The following EXOC2 variants were observed in gnomAD, a reference collection of about 807,000 sequenced individuals.
EXOC2 encodes the protein SEC5-like 1.
In EXOC2, 70 loss-of-function variants were observed where a neutral mutation model predicts 131.8. The ratio of observed to expected loss-of-function variants is 0.53; its 90% CI spans 0.44 to 0.65. EXOC2 has a LOEUF of 0.65. Ranked by LOEUF, EXOC2 falls within the 30% of genes least tolerant of loss-of-function variation. EXOC2 has a pLI of 0.00. For missense variants in EXOC2, 923 were observed against 1,108.6 expected (o/e 0.83, Z 2.38); for synonymous variants, 411 against 398.4 (o/e 1.03, Z -0.38).
chr6:521,125 C>T, intron 23 of EXOC2, among the ~76,000 whole-genome samples: 1 of 149,298 alleles, frequency 6.7e-6, no homozygotes, highest in African/African-American at 2.5e-5. Context: ...AAAACAACCA[C>T]CCACCGAGTG....
At chr6:665,025 A>C (rs899427722) in intron 1 of EXOC2, among the ~76,000 whole-genome samples, 1 of 152,226 alleles carries the variant, frequency 6.6e-6, no homozygotes, top group Non-Finnish European at 1.5e-5. Flanking sequence ...AAATCTTCAC[A>C]ATCTATACAT....
intron 3 of EXOC2, 123 bp downstream of exon 3, chr6:632,818 T>C: frequency 1.0e-6 from 1 of 977,404 alleles, no homozygotes; most frequent in Non-Finnish European, 1.5e-6. Context: ...AAAATAAACA[T>C]AAACTAAATC....
At chr6:575,621 T>C (rs1758539636) in intron 12 of EXOC2, among the ~76,000 whole-genome samples, 1 of 152,226 alleles carries the variant, frequency 6.6e-6, no homozygotes, top group African/African-American at 2.4e-5. Context: ...GCCGGCGCAA[T>C]GCTTCCTGTA....
intron 7 of EXOC2, among the ~76,000 whole-genome samples, chr6:599,681 T>G (rs191240036): frequency 6.6e-6 from 1 of 152,206 alleles, no homozygotes; most frequent in Non-Finnish European, 1.5e-5. Flanking sequence ...TCAGGAAAGT[T>G]GCTCAATAGA....
rs556622431 is a variant in EXOC2, at chr6:690,344, A to G, written c.-44+2675T>C. Among the ~76,000 whole-genome samples the G allele has an allele frequency of 1.4e-4, 21 of 152,308 alleles. No individual in the cohort carries two copies. The East Asian group carries it at 3.9e-3, about 28-fold the overall frequency. On this transcript the variant is annotated intron_variant, in intron 1 of 27. Coordinates refer to ENST00000230449, the MANE Select transcript of EXOC2 (RefSeq NM_018303.6). ...GCACTCTAGCCTGGGTGACAGAACA[A>G]GACCCCCTTTCAATCAATAAACAAA...
At chr6:547,272 T>C (rs1378951258) in intron 22 of EXOC2, among the ~76,000 whole-genome samples, 1 of 152,214 alleles carries the variant, frequency 6.6e-6, no homozygotes, top group African/African-American at 2.4e-5. Context: ...GTGAAGGGAA[T>C]GAAAAACTGG....
intron 11 of EXOC2, among the ~76,000 whole-genome samples, chr6:582,049 C>T (rs952867362): frequency 3.3e-5 from 5 of 152,134 alleles, no homozygotes; most frequent in Non-Finnish European, 7.4e-5. Context: ...AGTCACTTCA[C>T]TAGAAGTGTA....
At chr6:565,261 C>T (rs890112485) in intron 13 of EXOC2, among the ~76,000 whole-genome samples, 1 of 152,160 alleles carries the variant, frequency 6.6e-6, no homozygotes, top group South Asian at 2.1e-4. Context: ...ATCATACCCA[C>T]GACAACACTG....
chr6:614,615 TATC>T (rs1760888463), intron 6 of EXOC2, among the ~76,000 whole-genome samples: 1 of 152,114 alleles, frequency 6.6e-6, no homozygotes, highest in African/African-American at 2.4e-5. Flanking sequence ...ATAAATATAT[TATC>T]ATCAAGAGAA....
chr6:555,684 T>C (rs1757379940), intron 19 of EXOC2, among the ~76,000 whole-genome samples: 1 of 152,232 alleles, frequency 6.6e-6, no homozygotes, highest in Non-Finnish European at 1.5e-5. Flanking sequence ...TAATTTACGT[T>C]GTGCTCGAAC....
chr6:616,475 C>T (rs1363175148), intron 6 of EXOC2, among the ~76,000 whole-genome samples: 5 of 151,032 alleles, frequency 3.3e-5, no homozygotes, highest in African/African-American at 1.2e-4. Flanking sequence ...CAGTGGCGGG[C>T]GCCTGTAGTC....
chr6:650,240 G>T (rs1241233427), intron 1 of EXOC2, among the ~76,000 whole-genome samples: 1 of 152,198 alleles, frequency 6.6e-6, no homozygotes, highest in African/African-American at 2.4e-5. Flanking sequence ...TCTAAACTGA[G>T]TTCTGGCATT....
chr6:489,951 C>T (rs951346940), intron 26 of EXOC2, among the ~76,000 whole-genome samples: 56 of 152,212 alleles, frequency 3.7e-4, no homozygotes, highest in African/African-American at 1.3e-3. Context: ...CGGGAGGGCG[C>T]GGTGGGGTGT....
chr6:677,250 G>T (rs1346102537), intron 1 of EXOC2, among the ~76,000 whole-genome samples: 5 of 152,082 alleles, frequency 3.3e-5, no homozygotes, highest in African/African-American at 9.7e-5. Flanking sequence ...CAACATTACG[G>T]AAAGGACAGG....
At chr6:630,303 GC>G (rs1561946541) in intron 3 of EXOC2, among the ~76,000 whole-genome samples, 3 of 152,154 alleles carry the variant, frequency 2.0e-5, no homozygotes, top group Non-Finnish European at 2.9e-5. Flanking sequence ...GTTAAATGTA[GC>G]TGATTAAATC....
intron 3 of EXOC2, among the ~76,000 whole-genome samples, chr6:630,883 T>C (rs1761811582): frequency 6.6e-6 from 1 of 152,218 alleles, no homozygotes; most frequent in South Asian, 2.1e-4. Flanking sequence ...ATAACCAGGT[T>C]ATTCAGGGAA....
rs796477635 is a variant in EXOC2, at chr6:671,350, ACAAC to A, written c.-44+21665_-44+21668del. Among the ~76,000 whole-genome samples, 13 of 83,218 alleles carry A rather than the reference ACAAC, an allele frequency of 1.6e-4. No homozygotes were observed. The East Asian group carries it at 3.3e-3, about 21-fold the overall frequency. 54.6% of individuals were successfully genotyped at this position (83,218 alleles called of 152,430 possible). On this transcript the variant is annotated intron_variant, in intron 1 of 27. Coordinates refer to ENST00000230449, the MANE Select transcript of EXOC2 (RefSeq NM_018303.6). ...AGACTGTCTCAAAACAACAACAACA[ACAAC>A]AAAAAAAAACAAAAAAAGAAAAACT...
intron 1 of EXOC2, among the ~76,000 whole-genome samples, chr6:651,980 C>T (rs540707728): frequency 6.7e-6 from 1 of 149,752 alleles, no homozygotes; most frequent in Non-Finnish European, 1.5e-5. Context: ...CGCTTGAACC[C>T]GGGAGGCGAA....
intron 20 of EXOC2, 125 bp from the exon 21 acceptor site, chr6:554,045 C>CTTTTT: frequency 3.8e-6 from 2 of 532,100 alleles, no homozygotes; most frequent in African/African-American, 2.0e-5. Flanking sequence ...AGTCACATAA[C>CTTTTT]TTTTTTTTTT....
Sources: allele counts gnomAD v4.1 joint callset (sites outside exome capture counted in the v4.1 genomes callset), GRCh38; gene constraint gnomAD v4.1.1; transcripts MANE v1.5; gene names NCBI Gene and HGNC (gene_info 2026-07-23, HGNC 2026-07-21).